The following ARNT2 variants were observed in gnomAD, a reference collection of about 807,000 sequenced individuals.
The protein encoded by ARNT2 is ARNT protein 2.
A neutral mutation model predicts 91.7 loss-of-function variants in ARNT2; 36 were observed. The observed-to-expected ratio is 0.39, with a 90% confidence interval of 0.30 to 0.52. The LOEUF is 0.52. Among genes scored for constraint, ARNT2 ranks in the 20% least tolerant of loss-of-function variants. The pLI, the probability that ARNT2 is intolerant of heterozygous loss-of-function variation, is 0.72. For missense variants in ARNT2, 775 were observed against 939.3 expected (o/e 0.83, Z 2.29); for synonymous variants, 365 against 347.1 (o/e 1.05, Z -0.57).
chr15:80,434,273 T>A (rs987161736), intron 1 of ARNT2: 3 of 152,120 alleles, frequency 2.0e-5, no homozygotes, highest in Non-Finnish European at 4.4e-5. Flanking sequence ...GGCCTTCATT[T>A]TGGGGTATTG....
intron 3 of ARNT2, among the ~76,000 whole-genome samples, chr15:80,459,744 G>C (rs534060387): frequency 1.3e-5 from 2 of 152,318 alleles, no homozygotes; most frequent in East Asian, 3.9e-4. Context: ...ATACAGTCAA[G>C]GTTCAAACCC....
chr15:80,491,881 T>C (rs1897062374), intron 5 of ARNT2, among the ~76,000 whole-genome samples: 1 of 151,662 alleles, frequency 6.6e-6, no homozygotes. Context: ...TTTTGCTTTG[T>C]TTTGCTTTTT....
intron 13 of ARNT2, 96 bp from the exon 14 acceptor site, chr15:80,574,890 AG>A: frequency 7.1e-7 from 1 of 1,413,492 alleles, no homozygotes; most frequent in African/African-American, 1.4e-5. Context: ...TTCCAGAGGG[AG>A]GGGGCTCTGA....
Position 80,593,858 on chromosome 15 carries a change from T to G in ARNT2, c.*160T>G. The stretch of plus-strand genomic sequence containing the variant: ...GTCCCCAGGCGCATCATTGCTCCAC[T>G]CTCCCCTGCAGCCGCGGCTGCTCGG... On this transcript the variant is annotated 3_prime_UTR_variant, in exon 19 of 19. Transcript: ENST00000303329. 1.6e-6 allele frequency: 1 copy of G among 635,802 alleles called. No homozygotes were observed. 39.4% of individuals were successfully genotyped at this position (635,802 alleles called of 1,614,324 possible). A position where few individuals can be genotyped will look rare whatever the true frequency, so the allele number is the denominator to read the frequency against.
At position 80,591,610 on chromosome 15, in the gene ARNT2, C is replaced by T. The variant is rs1893281163; in HGVS notation, c.1961C>T (p.Ser654Leu). Residue 654 changes from serine to leucine, a missense_variant, in exon 18 of 19, where the codon TCG (serine) becomes TTG (leucine). Ser to Leu is a moderately radical substitution (Grantham distance 145). Coordinates refer to ENST00000303329, the MANE Select transcript of ARNT2 (RefSeq NM_014862.4). The surrounding 1 kb of genome is among the most constrained non-coding windows in gnomAD (Gnocchi z 5.1). ...AGCGGGCAGTTCCAAGGGCGGCCCT[C>T]GGAAGTCTGGTCGCAGTGGCAAAGC... ...QSSGQFQGRP[S>L]EVWSQWQSQH... The T allele has an allele frequency of 3.7e-6, 6 of 1,613,998 alleles. No individual in the cohort carries two copies. The highest frequency in any genetic ancestry group is 2.2e-5 in the East Asian group (1 of 44,878).
intron 5 of ARNT2, among the ~76,000 whole-genome samples, chr15:80,497,831 T>C (rs1478927608): frequency 2.6e-5 from 4 of 152,244 alleles, no homozygotes; most frequent in African/African-American, 7.2e-5. Context: ...GAAAACACTT[T>C]ACTCAGCAAG....
rs1167045008 is a variant in ARNT2, at chr15:80,508,167, G to A, written c.634G>A (p.Asp212Asn). The change falls in exon 6 of 19, where the codon GAC (aspartate) becomes AAC (asparagine). Residue 212 changes from aspartate (D) to asparagine (N), a missense_variant. Transcript: ENST00000303329. ...SENSMTGRILDLKTGTVKKEG... is the reference protein window; with the variant it reads ...SENSMTGRILNLKTGTVKKEG... ...TCTCTCTCTCTTAGGCCGGATCTTG[G>A]ACCTGAAGACTGGGACGGTCAAGAA... 2.5e-6 allele frequency: 4 copies of A among 1,613,990 alleles called. No individual in the cohort carries two copies. In the African/African-American group the frequency reaches 4.0e-5, roughly 16 times the overall value.
intron 1 of ARNT2, chr15:80,441,479 C>A (rs1401130342): frequency 3.1e-5 from 25 of 799,706 alleles, no homozygotes; most frequent in Non-Finnish European, 3.5e-5. Context: ...CCTGCCCTCA[C>A]CCCCCTCCCA....
chr15:80,560,547 T>C (rs1898318877), intron 11 of ARNT2, among the ~76,000 whole-genome samples: 1 of 152,182 alleles, frequency 6.6e-6, no homozygotes, highest in East Asian at 1.9e-4. Context: ...TTCTGTGTGC[T>C]AGTTGCATGG....
chr15:80,513,352 A>G (rs1897373537), intron 6 of ARNT2, among the ~76,000 whole-genome samples: 1 of 152,120 alleles, frequency 6.6e-6, no homozygotes, highest in Non-Finnish European at 1.5e-5. Context: ...TTTATCTCTC[A>G]TCCCCACGCT....
intron 4 of ARNT2, among the ~76,000 whole-genome samples, chr15:80,473,156 C>T (rs1362739439): frequency 6.6e-6 from 1 of 152,116 alleles, no homozygotes; most frequent in Non-Finnish European, 1.5e-5. Context: ...AGTAACATGC[C>T]CAAAGTTGCA....
intron 1 of ARNT2, chr15:80,434,224 G>A (rs1896053889): frequency 6.6e-6 from 1 of 152,210 alleles, no homozygotes; most frequent in African/African-American, 2.4e-5. Flanking sequence ...GGCAAGAGAA[G>A]ATCAGAGAAA....
intron 5 of ARNT2, among the ~76,000 whole-genome samples, chr15:80,506,195 C>G (rs1207520284): frequency 6.6e-6 from 1 of 152,168 alleles, no homozygotes; most frequent in African/African-American, 2.4e-5. Context: ...CTCGGCCTCC[C>G]AAAGTGCTGG....
At chr15:80,464,024 T>G (rs913247325) in intron 3 of ARNT2, among the ~76,000 whole-genome samples, 1 of 151,876 alleles carries the variant, frequency 6.6e-6, no homozygotes, top group Admixed American at 6.6e-5. Flanking sequence ...AACACTAGAG[T>G]TTTTTGGAGA....
At position 80,470,265 on chromosome 15, in the gene ARNT2, A is replaced by G; in HGVS notation, c.242A>G (p.Gln81Arg). Reference sequence around the variant, plus strand: ...AGGCGCAGACGGAACAAGATGACTCAGTACATCACGGAGCTCTCCGACATG... The same window carrying G: ...AGGCGCAGACGGAACAAGATGACTCGGTACATCACGGAGCTCTCCGACATG... The part of the protein sequence containing the change: ...IERRRRNKMT[Q>R]YITELSDMVP... Residue 81 changes from glutamine to arginine, a missense_variant, in exon 4 of 19, where the codon CAG (glutamine) becomes CGG (arginine). Physicochemically the swap from Gln to Arg is conservative, Grantham distance 43. Transcript: ENST00000303329. 1 of 1,614,218 alleles carries G rather than the reference A, an allele frequency of 6.2e-7. No homozygotes were observed. The highest frequency in any genetic ancestry group is 8.5e-7 in the Non-Finnish European group (1 of 1,180,038).
At chr15:80,553,425 T>C (rs1898119696) in intron 10 of ARNT2, among the ~76,000 whole-genome samples, 2 of 152,198 alleles carry the variant, frequency 1.3e-5, no homozygotes, top group Admixed American at 1.3e-4. Flanking sequence ...TAATTATTGA[T>C]TTTCTTAGGT....
chr15:80,565,227 C>T (rs754912532), intron 12 of ARNT2, among the ~76,000 whole-genome samples: 3 of 152,224 alleles, frequency 2.0e-5, no homozygotes, highest in Admixed American at 1.3e-4. Context: ...GCCCAGCCCA[C>T]GTTTTCTTTA....
chr15:80,593,559 G>A, intron 18 of ARNT2, 41 bp from the exon 19 acceptor site: 4 of 1,495,044 alleles, frequency 2.7e-6, no homozygotes, highest in Non-Finnish European at 3.6e-6. Context: ...ACGGACAGAG[G>A]AGCTGACTCC....
chr15:80,500,077 G>A (rs571519348), intron 5 of ARNT2, among the ~76,000 whole-genome samples: 6 of 152,306 alleles, frequency 3.9e-5, no homozygotes, highest in African/African-American at 1.4e-4. Flanking sequence ...TTTAGTAGTA[G>A]AAGGCCCATT....
Sources: gnomAD v4.1 joint callset for allele counts (sites outside exome capture counted in the v4.1 genomes callset) on GRCh38, gnomAD v4.1.1 for gene constraint, Gnocchi (gnomAD v3.1) non-coding constraint, MANE v1.5 for transcripts, NCBI Gene and HGNC (gene_info 2026-07-23, HGNC 2026-07-21) for gene names.